Variants in CSGALNACT1 observed in about 807,000 individuals in gnomAD.
CSGALNACT1 encodes the protein chondroitin sulfate N-acetylgalactosaminyltransferase 1.
In CSGALNACT1, 52 loss-of-function variants were observed where a neutral mutation model predicts 51.0. The ratio of observed to expected loss-of-function variants is 1.02; its 90% CI spans 0.82 to 1.29. The LOEUF is 1.29. CSGALNACT1 is among the 50% of genes most tolerant of loss of function. CSGALNACT1 has a pLI of 0.00. For synonymous variants in CSGALNACT1, 341 were observed against 254.4 expected (o/e 1.34, Z -3.24); for missense variants, 935 against 679.2 (o/e 1.38, Z -4.19).
At chr8:19,513,436 C>CTCTCTATATATATATATATATATATATA in intron 3 of CSGALNACT1, among the ~76,000 whole-genome samples, 5 of 81,982 alleles carry the variant, frequency 6.1e-5, no homozygotes, top group Admixed American at 1.7e-4. Flanking sequence ...CTCTCTCTCT[C>CTCTCTATATATATATATATATATATATA]TATATATATA....
At chr8:19,439,854 T>G in exon 6 of CSGALNACT1, 1 of 1,614,112 alleles carries the variant, frequency 6.2e-7, no homozygotes, top group Non-Finnish European at 8.5e-7. Context: ...AAGTATTCCT[T>G]TGACTTCATT....
intron 1 of CSGALNACT1, among the ~76,000 whole-genome samples, chr8:19,653,562 G>A (rs1388004988): frequency 6.6e-6 from 1 of 152,178 alleles, no homozygotes; most frequent in African/African-American, 2.4e-5. Flanking sequence ...GGGAGGCCAA[G>A]AGGTATGGAT....
rs546745701 is a variant in CSGALNACT1 at position 19,446,659 on chromosome 8, G to A, written c.852-6728C>T. On this transcript the variant is annotated intron_variant, in intron 5 of 9. Transcript: ENST00000454498. ...TTCCCGAGCAGCTGGGACCACAGGT[G>A]TGTGCCATCATGCCCAGCTAATTTT... 3.3e-5 allele frequency among the ~76,000 whole-genome samples: 5 copies of A among 152,260 alleles called. No homozygotes were observed. In the East Asian group the frequency reaches 7.7e-4, roughly 24 times the overall value.
chr8:19,571,825 G>C (rs1350785854), intron 3 of CSGALNACT1, among the ~76,000 whole-genome samples: 1 of 152,200 alleles, frequency 6.6e-6, no homozygotes, highest in Non-Finnish European at 1.5e-5. Context: ...TATCAGACAA[G>C]GGCTGCCTGG....
At chr8:19,492,262 G>C (rs1432679516) in intron 4 of CSGALNACT1, among the ~76,000 whole-genome samples, 6 of 152,160 alleles carry the variant, frequency 3.9e-5, no homozygotes, top group Non-Finnish European at 8.8e-5. Context: ...ATACTGCTAG[G>C]CTATGCCTGG....
intron 5 of CSGALNACT1, among the ~76,000 whole-genome samples, chr8:19,448,700 C>A (rs949266153): frequency 2.6e-5 from 4 of 152,156 alleles, no homozygotes; most frequent in Admixed American, 6.5e-5. Context: ...GCAGGGCTTT[C>A]ACAGCTGAGA....
intron 8 of CSGALNACT1, among the ~76,000 whole-genome samples, chr8:19,416,156 C>T (rs1215031465): frequency 2.2e-5 from 3 of 137,732 alleles, no homozygotes; most frequent in African/African-American, 5.2e-5. Flanking sequence ...GCTCTGTTGC[C>T]CAGGCTGGAG....
intron 1 of CSGALNACT1, among the ~76,000 whole-genome samples, chr8:19,669,729 C>G (rs2059645288): frequency 6.6e-6 from 1 of 152,214 alleles, no homozygotes; most frequent in African/African-American, 2.4e-5. Context: ...CTGGCCTTGG[C>G]CTGCCAAAGT....
At chr8:19,531,206 C>T (rs1587919757) in intron 3 of CSGALNACT1, among the ~76,000 whole-genome samples, 2 of 152,194 alleles carry the variant, frequency 1.3e-5, no homozygotes, top group Non-Finnish European at 2.9e-5. Flanking sequence ...AGATATCTAT[C>T]ATCTTTATTT....
chr8:19,682,729 C>T (rs189419825), upstream of CSGALNACT1: 16 of 454,116 alleles, frequency 3.5e-5, no homozygotes, highest in Non-Finnish European at 8.8e-6. Flanking sequence ...CAATGCACAG[C>T]CTGAGCAAGG....
At chr8:19,754,409 T>C (rs1182973442) in intron 1 of CSGALNACT1, among the ~76,000 whole-genome samples, 3 of 152,172 alleles carry the variant, frequency 2.0e-5, no homozygotes, top group Admixed American at 6.5e-5. Flanking sequence ...CAAATATCTA[T>C]TTAGGAAATA....
chr8:19,446,783 G>A lies in CSGALNACT1; in HGVS notation c.852-6852C>T, dbSNP rs147512609. Among the ~76,000 whole-genome samples the A allele has an allele frequency of 7.7e-3, 1,168 of 152,226 alleles. 13 individuals are homozygous for A. The highest frequency in any genetic ancestry group is 0.026 in the African/African-American group (1,101 of 41,554). The stretch of plus-strand genomic sequence containing the variant: ...CTCGCCTTGGCCTCCCAAAGTGCTG[G>A]GATTAAAGGTGTGAGCCGCCATGTC... On this transcript the variant is annotated intron_variant, in intron 5 of 9. Transcript: ENST00000454498.
intron 1 of CSGALNACT1, among the ~76,000 whole-genome samples, chr8:19,651,980 G>C (rs573788230): frequency 6.6e-6 from 1 of 151,840 alleles, no homozygotes; most frequent in Non-Finnish European, 1.5e-5. Context: ...ACCCAGACTA[G>C]AGTACAGTGG....
intron 3 of CSGALNACT1, among the ~76,000 whole-genome samples, chr8:19,519,050 C>T (rs554897824): frequency 2.6e-5 from 4 of 152,152 alleles, no homozygotes; most frequent in African/African-American, 9.7e-5. Context: ...TGACCAGGTA[C>T]CAGCTGATGG....
chr8:19,530,451 T>G (rs970564988), intron 3 of CSGALNACT1, among the ~76,000 whole-genome samples: 5 of 152,202 alleles, frequency 3.3e-5, no homozygotes, highest in Admixed American at 6.5e-5. Context: ...GTAACAGATT[T>G]TGCATTTATG....
chr8:19,498,399 C>T (rs1274250152), intron 4 of CSGALNACT1, among the ~76,000 whole-genome samples: 1 of 152,208 alleles, frequency 6.6e-6, no homozygotes, highest in Non-Finnish European at 1.5e-5. Flanking sequence ...ATGCCTCCTA[C>T]CCAACACGGG....
intron 3 of CSGALNACT1, among the ~76,000 whole-genome samples, chr8:19,574,534 G>C (rs111395622): frequency 8.5e-4 from 130 of 152,300 alleles, no homozygotes; most frequent in African/African-American, 3.0e-3. Flanking sequence ...TGGCAGAGCA[G>C]GTGGACAGTA....
At chr8:19,638,701 T>G (rs1275501211) in intron 1 of CSGALNACT1, among the ~76,000 whole-genome samples, 1 of 152,298 alleles carries the variant, frequency 6.6e-6, no homozygotes, top group South Asian at 2.1e-4. Flanking sequence ...AGAACGGGAA[T>G]AGAATCCTGT....
chr8:19,737,835 C>T (rs1042257890), intron 1 of CSGALNACT1, among the ~76,000 whole-genome samples: 4 of 152,058 alleles, frequency 2.6e-5, no homozygotes, highest in African/African-American at 9.7e-5. Flanking sequence ...ATATGAGGTA[C>T]TTAGAGTGGT....
Sources: gnomAD v4.1 joint callset for allele counts (sites outside exome capture counted in the v4.1 genomes callset) on GRCh38, gnomAD v4.1.1 for gene constraint, MANE v1.5 for transcripts, NCBI Gene and HGNC (gene_info 2026-07-23, HGNC 2026-07-21) for gene names.